Variants in ZNF708 observed in about 807,000 individuals in gnomAD.
ZNF708 encodes ZNF15, ZNF15L1.
ZNF708 carries 44 observed loss-of-function variants against 47.0 expected under a neutral mutation model. The observed-to-expected ratio is 0.94, with a 90% CI of 0.74 to 1.20. The LOEUF (loss-of-function observed/expected upper bound fraction) is 1.20, where lower values mean the gene tolerates loss of function less well. ZNF708 is among the 50% of genes most tolerant of loss of function. The pLI is 0.00. For missense variants in ZNF708, 557 were observed against 656.0 expected, an observed-to-expected ratio of 0.85 and a Z score of 1.65; for synonymous variants, 184 against 218.5, an observed-to-expected ratio of 0.84 and a Z score of 1.39.
rs1414928882 is a variant in ZNF708 at position 21,329,237 on chromosome 19, A to T, written c.-25T>A. On this transcript the variant is annotated 5_prime_UTR_variant, in exon 1 of 4. Coordinates refer to ENST00000356929, the MANE Select transcript of ZNF708 (RefSeq NM_021269.3). ...TTTCTAGGCTTCCAGAGGGTCCTGG[A>T]GTCTTAGCTGTGGATCTCCCAATAC... 4 of 1,610,838 alleles carry T rather than the reference A, an allele frequency of 2.5e-6. No homozygotes were observed. The highest frequency in any genetic ancestry group is 3.4e-6 in the Non-Finnish European group (4 of 1,177,762).
At chr19:21,305,754 C>T (rs534876017) in intron 3 of ZNF708, among the ~76,000 whole-genome samples, 32 of 152,126 alleles carry the variant, frequency 2.1e-4, no homozygotes, top group Non-Finnish European at 4.1e-4. Flanking sequence ...AGCCACCGGG[C>T]CTGGCCTAAA....
chr19:21,307,662 C>T (rs138964967), intron 3 of ZNF708, among the ~76,000 whole-genome samples: 27 of 151,984 alleles, frequency 1.8e-4, no homozygotes, highest in African/African-American at 6.0e-4. Context: ...ATCAGTTTAT[C>T]AGTTTATAAA....
chr19:21,295,847 A>G (rs1972517107), intron 3 of ZNF708, among the ~76,000 whole-genome samples: 1 of 152,224 alleles, frequency 6.6e-6, no homozygotes. Context: ...CATCAAAAAC[A>G]TTACTAAACT....
intron 1 of ZNF708, among the ~76,000 whole-genome samples, chr19:21,324,449 C>A (rs1410644048): frequency 6.6e-6 from 1 of 152,058 alleles, no homozygotes; most frequent in African/African-American, 2.4e-5. Flanking sequence ...TGCCTGTAAT[C>A]CCAGCTACTC....
At chr19:21,315,919 T>G (rs1972992364) in intron 1 of ZNF708, among the ~76,000 whole-genome samples, 1 of 151,398 alleles carries the variant, frequency 6.6e-6, no homozygotes, top group Admixed American at 6.6e-5. Context: ...AGAAAAGGAT[T>G]ATTAGCCAGG....
intron 1 of ZNF708, among the ~76,000 whole-genome samples, chr19:21,316,133 C>CTTTTTTTTTTTTTTTTTTTTT (rs544312163): frequency 9.5e-6 from 1 of 105,488 alleles, no homozygotes; most frequent in Non-Finnish European, 1.8e-5. Context: ...TTTCTTTTTT[C>CTTTTTTTTTTTTTTTTTTTTT]TTTTTTTTTT....
chr19:21,302,989 CAT>C (rs1290976471), intron 3 of ZNF708, among the ~76,000 whole-genome samples: 3 of 151,974 alleles, frequency 2.0e-5, no homozygotes, highest in Non-Finnish European at 4.4e-5. Flanking sequence ...TAGAAAGAAA[CAT>C]AATCCTAGGA....
chr19:21,298,586 A>G (rs1972591659), intron 3 of ZNF708, among the ~76,000 whole-genome samples: 2 of 151,670 alleles, frequency 1.3e-5, no homozygotes, highest in African/African-American at 4.8e-5. Flanking sequence ...TATACTCAAC[A>G]ATCTTCAAAA....
intron 2 of ZNF708, among the ~76,000 whole-genome samples, chr19:21,310,220 G>A (rs977304573): frequency 6.6e-6 from 1 of 152,000 alleles, no homozygotes; most frequent in African/African-American, 2.4e-5. Flanking sequence ...GCTGAGGCGG[G>A]CAGACCCTGA....
Position 21,319,229 on chromosome 19 carries a change from T to C in ZNF708, c.4-8602A>G, listed in dbSNP as rs569833735. Among the ~76,000 whole-genome samples, 4 of 152,306 alleles carry C rather than the reference T, an allele frequency of 2.6e-5. No individual in the cohort carries two copies. The South Asian group carries it at 8.3e-4, about 32-fold the overall frequency. Reference sequence around the variant, plus strand: ...AGATAACTATGCTAATTGTTCTTAATAAATAGAAACCAAAGTACAACTACA... The same window carrying C: ...AGATAACTATGCTAATTGTTCTTAACAAATAGAAACCAAAGTACAACTACA... On this transcript the variant is annotated intron_variant, in intron 1 of 3. Transcript: ENST00000356929.
chr19:21,312,065 G>C (rs546866842), intron 1 of ZNF708, among the ~76,000 whole-genome samples: 1 of 152,016 alleles, frequency 6.6e-6, no homozygotes. Flanking sequence ...GGGGCCAAGG[G>C]GGGTGGATCT....
rs576391235 is a variant in ZNF708, at chr19:21,302,631, G to A, written c.226+6615C>T. On this transcript the variant is annotated intron_variant, in intron 3 of 3. Coordinates refer to ENST00000356929, the MANE Select transcript of ZNF708 (RefSeq NM_021269.3). Reference sequence around the variant, plus strand: ...GGAGAATTGCTTGAACCTGGGAGGTGGAGGTTGCAGTGAGCCGAGATCATG... The same window carrying A: ...GGAGAATTGCTTGAACCTGGGAGGTAGAGGTTGCAGTGAGCCGAGATCATG... 3.9e-5 allele frequency among the ~76,000 whole-genome samples: 6 copies of A among 152,134 alleles called. No individual in the cohort carries two copies. In the East Asian group the frequency reaches 1.2e-3, roughly 29 times the overall value.
intron 1 of ZNF708, among the ~76,000 whole-genome samples, chr19:21,326,148 A>G (rs935846441): frequency 6.6e-6 from 1 of 152,202 alleles, no homozygotes; most frequent in African/African-American, 2.4e-5. Context: ...TATGGAAAAC[A>G]CTGTGGAGAT....
At chr19:21,316,288 C>T (rs1010459414) in intron 1 of ZNF708, among the ~76,000 whole-genome samples, 6 of 151,618 alleles carry the variant, frequency 4.0e-5, no homozygotes, top group Non-Finnish European at 7.4e-5. Context: ...CCACGCCTGG[C>T]TAATTTTTTG....
intron 3 of ZNF708, among the ~76,000 whole-genome samples, chr19:21,306,463 T>C (rs1972766170): frequency 6.6e-6 from 1 of 152,054 alleles, no homozygotes; most frequent in Non-Finnish European, 1.5e-5. Context: ...GGAAAAAGTA[T>C]TTGAAAAGAA....
chr19:21,321,782 T>C (rs888165415), intron 1 of ZNF708, among the ~76,000 whole-genome samples: 2 of 152,156 alleles, frequency 1.3e-5, no homozygotes, highest in African/African-American at 4.8e-5. Context: ...TTTGGTGCTA[T>C]GCTTAGTACT....
chr19:21,293,049 G>T lies in ZNF708; in HGVS notation c.*225C>A. 3 of 548,918 alleles carry T rather than the reference G, an allele frequency of 5.5e-6. No individual in the cohort carries two copies. Among genetic ancestry groups the T allele is most frequent in the South Asian group, 2.8e-5 (1 of 35,522 alleles). The allele number at this position is 548,918 out of a possible 1,614,324, so 34.0% of individuals were successfully genotyped here. A position where few individuals can be genotyped will look rare whatever the true frequency, so the allele number is the denominator to read the frequency against. ...CTTCCAGCTTTGTAGTTTCTCTCCAGTTTAAGTTTTTTTATGTTTAGTAAG... is the reference window on the plus strand; with the variant it reads ...CTTCCAGCTTTGTAGTTTCTCTCCATTTTAAGTTTTTTTATGTTTAGTAAG... On this transcript the variant is annotated 3_prime_UTR_variant, in exon 4 of 4. Coordinates refer to ENST00000356929, the MANE Select transcript of ZNF708 (RefSeq NM_021269.3).
chr19:21,293,742 A>G lies in ZNF708; in HGVS notation c.1224T>C (p.Thr408=), dbSNP rs773599352. The change falls in exon 4 of 4, where the codon ACT becomes ACC. Residue 408 remains threonine, a synonymous_variant. Transcript: ENST00000356929. Reference sequence around the variant, plus strand: ...TTCCAGTATGAATTACCTTATGATAAGTAAGAGTTGAGGACTTGGTAAAGG... The same window carrying G: ...TTCCAGTATGAATTACCTTATGATAGGTAAGAGTTGAGGACTTGGTAAAGG... ...GKAFTKSSTL[T]YHKVIHTGKK... The G allele has an allele frequency of 6.8e-6, 11 of 1,613,336 alleles. No homozygotes were observed. The highest frequency in any genetic ancestry group is 9.3e-6 in the Non-Finnish European group (11 of 1,179,784).
At chr19:21,324,010 C>CG (rs1973205557) in intron 1 of ZNF708, among the ~76,000 whole-genome samples, 1 of 151,360 alleles carries the variant, frequency 6.6e-6, no homozygotes, top group Non-Finnish European at 1.5e-5. Flanking sequence ...GAGGCTGAGG[C>CG]GGGTGGATCA....
Sources: gnomAD v4.1 joint callset for allele counts (sites outside exome capture counted in the v4.1 genomes callset) on GRCh38, gnomAD v4.1.1 for gene constraint, MANE v1.5 for transcripts, NCBI Gene and HGNC (gene_info 2026-07-23, HGNC 2026-07-21) for gene names.